The following UNC5D variants were observed in gnomAD, a reference collection of about 807,000 sequenced individuals.
UNC5D encodes unc-5 netrin receptor D.
UNC5D carries 39 observed loss-of-function variants against 105.4 expected under a neutral mutation model. The ratio of observed to expected loss-of-function variants is 0.37; its 90% CI spans 0.29 to 0.48. The LOEUF is 0.48. Ranked by LOEUF, UNC5D falls within the 20% of genes least tolerant of loss-of-function variation. The probability of loss-of-function intolerance (pLI) is 0.98; values close to 1 mark genes in which losing one functional copy is unlikely to be tolerated. For synonymous variants in UNC5D, 452 were observed against 450.4 expected, an observed-to-expected ratio of 1.00 and a Z score of -0.04; for missense variants, 991 against 1,202.4, an observed-to-expected ratio of 0.82 and a Z score of 2.60.
At chr8:35,351,065 TGAGA>T (rs748305186) in intron 1 of UNC5D, among the ~76,000 whole-genome samples, 4 of 152,124 alleles carry the variant, frequency 2.6e-5, no homozygotes, top group East Asian at 1.9e-4. Flanking sequence ...TGTGTGTGTG[TGAGA>T]GAGAGTTGGT....
chr8:35,718,299 A>G (rs940785270), intron 8 of UNC5D, among the ~76,000 whole-genome samples: 1 of 152,212 alleles, frequency 6.6e-6, no homozygotes, highest in Admixed American at 6.5e-5. Context: ...GTGCCCACAA[A>G]AAGACAGAAT....
At chr8:35,699,157 A>T (rs1827001539) in intron 7 of UNC5D, among the ~76,000 whole-genome samples, 1 of 152,186 alleles carries the variant, frequency 6.6e-6, no homozygotes, top group African/African-American at 2.4e-5. Flanking sequence ...GATAGACATC[A>T]CAATGAAGTT....
At chr8:35,453,787 C>T (rs1808316713) in intron 1 of UNC5D, among the ~76,000 whole-genome samples, 3 of 152,134 alleles carry the variant, frequency 2.0e-5, no homozygotes, top group Admixed American at 2.0e-4. Context: ...CAGAGTAAGA[C>T]ATCTGCCACC....
chr8:35,682,242 C>T (rs1825718403), intron 4 of UNC5D, among the ~76,000 whole-genome samples: 1 of 152,272 alleles, frequency 6.6e-6, no homozygotes, highest in Admixed American at 6.5e-5. Context: ...GGATTACAGG[C>T]GTGAGCCACA....
chr8:35,778,993 C>T lies in UNC5D; in HGVS notation c.2657+4516C>T, dbSNP rs1415861300. Among the ~76,000 whole-genome samples the T allele has an allele frequency of 2.6e-5, 4 of 152,168 alleles. No homozygotes were observed. In the East Asian group the frequency reaches 7.7e-4, roughly 29 times the overall value. On this transcript the variant is annotated intron_variant, in intron 16 of 16. Coordinates refer to ENST00000404895, the MANE Select transcript of UNC5D (RefSeq NM_080872.4). The stretch of plus-strand genomic sequence containing the variant: ...TGCCGCTTGCCTGGCATATGGATCA[C>T]GCTAAATAAGCTACACAGCCTAGCA...
intron 4 of UNC5D, among the ~76,000 whole-genome samples, chr8:35,630,426 C>T (rs1821965550): frequency 6.6e-6 from 1 of 152,154 alleles, no homozygotes. Flanking sequence ...CTAACATTGC[C>T]TGAGTTGTCC....
chr8:35,411,377 A>T (rs1026886119), intron 1 of UNC5D, among the ~76,000 whole-genome samples: 1 of 152,096 alleles, frequency 6.6e-6, no homozygotes, highest in Non-Finnish European at 1.5e-5. Flanking sequence ...CAGAAATTGG[A>T]TGAGTCCTAC....
rs904380842 is a variant in UNC5D at position 35,672,926 on chromosome 8, A to G, written c.571-10621A>G. ...AACACTATCTGACAAGAGACACACA[A>G]TGTCAGAACGTAAAATTCTGTGATC... is the stretch of plus-strand genomic sequence containing the variant. On this transcript the variant is annotated intron_variant, in intron 4 of 16. Transcript: ENST00000404895. 2.6e-5 allele frequency among the ~76,000 whole-genome samples: 4 copies of G among 152,298 alleles called. No individual in the cohort carries two copies. The East Asian group carries it at 5.8e-4, about 22-fold the overall frequency.
chr8:35,472,171 A>G (rs1324342917), intron 1 of UNC5D, among the ~76,000 whole-genome samples: 1 of 152,238 alleles, frequency 6.6e-6, no homozygotes, highest in Non-Finnish European at 1.5e-5. Flanking sequence ...AGGAGATCTC[A>G]TCAGAAGAAC....
chr8:35,457,398 A>G (rs943582726), intron 1 of UNC5D, among the ~76,000 whole-genome samples: 2 of 152,288 alleles, frequency 1.3e-5, no homozygotes, highest in Middle Eastern at 3.4e-3. Flanking sequence ...CAGAATGACA[A>G]TGACCAGGGT....
At chr8:35,507,703 A>G (rs1167737701) in intron 1 of UNC5D, among the ~76,000 whole-genome samples, 1 of 152,194 alleles carries the variant, frequency 6.6e-6, no homozygotes, top group Admixed American at 6.5e-5. Flanking sequence ...TTGATAGCAC[A>G]ATAGTAACTA....
intron 4 of UNC5D, among the ~76,000 whole-genome samples, chr8:35,600,098 C>T (rs1377666127): frequency 6.6e-6 from 1 of 152,128 alleles, no homozygotes; most frequent in African/African-American, 2.4e-5. Context: ...TGATGGTTTC[C>T]AGCTTCATCC....
intron 1 of UNC5D, among the ~76,000 whole-genome samples, chr8:35,291,639 C>T (rs767587628): frequency 1.2e-4 from 19 of 152,156 alleles, no homozygotes; most frequent in Non-Finnish European, 2.8e-4. Context: ...GGGGCTGTTT[C>T]TTTATGGTGT....
intron 4 of UNC5D, among the ~76,000 whole-genome samples, chr8:35,642,712 A>G (rs1336523290): frequency 2.0e-5 from 3 of 152,048 alleles, no homozygotes; most frequent in Non-Finnish European, 4.4e-5. Flanking sequence ...TGCTAAATTT[A>G]ATTAGCACAT....
chr8:35,305,585 C>CTCTT (rs1563297706), intron 1 of UNC5D, among the ~76,000 whole-genome samples: 1 of 95,226 alleles, frequency 1.1e-5, no homozygotes. Context: ...CTTTTTCTTT[C>CTCTT]TTTCTTTCTT....
chr8:35,430,912 G>T (rs998332428), intron 1 of UNC5D, among the ~76,000 whole-genome samples: 4 of 152,166 alleles, frequency 2.6e-5, no homozygotes, highest in Non-Finnish European at 5.9e-5. Context: ...ACACATGCAT[G>T]CATGCACAAA....
intron 4 of UNC5D, 96 bp downstream of exon 4, chr8:35,595,753 G>T: frequency 9.4e-7 from 1 of 1,061,086 alleles, no homozygotes; most frequent in Non-Finnish European, 1.4e-6. Flanking sequence ...AAGTAAAGGA[G>T]CCCATGTCTG....
At chr8:35,644,431 C>T (rs368216660) in intron 4 of UNC5D, among the ~76,000 whole-genome samples, 4 of 152,104 alleles carry the variant, frequency 2.6e-5, no homozygotes, top group African/African-American at 9.7e-5. Context: ...TCTGCTGATT[C>T]AACATTTTCC....
At chr8:35,386,088 C>T (rs1284487798) in intron 1 of UNC5D, among the ~76,000 whole-genome samples, 1 of 152,144 alleles carries the variant, frequency 6.6e-6, no homozygotes, top group East Asian at 1.9e-4. Flanking sequence ...ATTTGAAACG[C>T]CAACATTCAT....
Sources: allele counts gnomAD v4.1 joint callset (sites outside exome capture counted in the v4.1 genomes callset), GRCh38; gene constraint gnomAD v4.1.1; transcripts MANE v1.5; gene names NCBI Gene and HGNC (gene_info 2026-07-23, HGNC 2026-07-21).